Variants in MID1 observed in about 807,000 individuals in gnomAD.
MID1 encodes E3 ubiquitin-protein ligase Midline-1.
In MID1, 7 loss-of-function variants were observed where a neutral mutation model predicts 40.4. The ratio of observed to expected loss-of-function variants is 0.17; its 90% CI spans 0.10 to 0.33. The LOEUF (loss-of-function observed/expected upper bound fraction) is 0.33, where lower values mean the gene tolerates loss of function less well. Among genes scored for constraint, MID1 ranks in the 10% least tolerant of loss-of-function variants. The pLI, the probability that MID1 is intolerant of heterozygous loss-of-function variation, is 1.00. For missense variants in MID1, 367 were observed against 558.5 expected (o/e 0.66, Z 3.46); for synonymous variants, 229 against 221.2 (o/e 1.04, Z -0.31).
chrX:10,669,230 T>TAAAAAAA (rs761817483), intron 1 of MID1, among the ~76,000 whole-genome samples: 6 of 47,009 alleles, frequency 1.3e-4, no homozygotes, highest in African/African-American at 2.2e-4. Flanking sequence ...CGTCTCAAAA[T>TAAAAAAA]AAAAAAAAAA....
intron 4 of MID1, among the ~76,000 whole-genome samples, chrX:10,485,833 A>T (rs982862831): frequency 8.9e-6 from 1 of 111,954 alleles, no homozygotes; most frequent in Non-Finnish European, 1.9e-5. Flanking sequence ...CTTTAAGGCC[A>T]TGGAGAGCTC....
At chrX:10,571,151 G>A (rs1472475489) in intron 1 of MID1, among the ~76,000 whole-genome samples, 2 of 112,355 alleles carry the variant, frequency 1.8e-5, no homozygotes, top group Non-Finnish European at 3.8e-5. Flanking sequence ...CATAGCACCT[G>A]GCATAGTGCT....
At chrX:10,644,952 G>A (rs1209260050) in intron 1 of MID1, among the ~76,000 whole-genome samples, 4 of 111,976 alleles carry the variant, frequency 3.6e-5, no homozygotes, top group South Asian at 3.8e-4. Context: ...TGTCATTGCC[G>A]TGATTGAAGT....
At chrX:10,521,420 C>T (rs1932703071) in intron 3 of MID1, among the ~76,000 whole-genome samples, 1 of 111,209 alleles carries the variant, frequency 9.0e-6, no homozygotes, top group African/African-American at 3.3e-5. Context: ...CTGAAGTGCC[C>T]CTTGACTTAG....
In MID1 at chrX:10,702,139, C is replaced by A. The variant is rs755669100; in HGVS notation, c.-186-81720G>T. 2.7e-5 allele frequency among the ~76,000 whole-genome samples: 3 copies of A among 112,609 alleles called. No individual in the cohort carries two copies. In the South Asian group the frequency reaches 1.1e-3, roughly 41 times the overall value. ...TAATTCCCAACTGCACAGAACTGTACCAACTTGCCAAGAATAAGGAAATAC... is the reference window on the plus strand; with the variant it reads ...TAATTCCCAACTGCACAGAACTGTAACAACTTGCCAAGAATAAGGAAATAC... On this transcript the variant is annotated intron_variant, in intron 1 of 10. Transcript: ENST00000380785.
At chrX:10,810,744 T>A (rs185947053) in intron 1 of MID1, among the ~76,000 whole-genome samples, 1 of 108,401 alleles carries the variant, frequency 9.2e-6, no homozygotes, top group East Asian at 2.9e-4. Context: ...AGCCATGCCA[T>A]TGGGTGTGAA....
At chrX:10,584,740 A>G (rs994406228) in intron 1 of MID1, among the ~76,000 whole-genome samples, 2 of 112,501 alleles carry the variant, frequency 1.8e-5, no homozygotes, top group African/African-American at 3.2e-5. Flanking sequence ...GATTTTTTAG[A>G]GCCCATCACT....
chrX:10,566,741 T>C, intron 2 of MID1, 147 bp downstream of exon 2: 1 of 594,822 alleles, frequency 1.7e-6, no homozygotes, highest in Non-Finnish European at 2.7e-6. Flanking sequence ...GTAACATTTA[T>C]AGGTTGCCAA....
intron 1 of MID1, among the ~76,000 whole-genome samples, chrX:10,569,204 T>C (rs1569109495): frequency 1.8e-5 from 2 of 112,289 alleles, no homozygotes; most frequent in Non-Finnish European, 3.8e-5. Context: ...AACTGAATGG[T>C]AACTGATCAT....
chrX:10,829,690 A>G (rs982059631), intron 1 of MID1, among the ~76,000 whole-genome samples: 6 of 111,686 alleles, frequency 5.4e-5, no homozygotes, highest in African/African-American at 2.0e-4. Context: ...CTATCACCTC[A>G]CCAGCTAACC....
chrX:10,472,368 G>A (rs1014049973), intron 6 of MID1, among the ~76,000 whole-genome samples: 2 of 112,429 alleles, frequency 1.8e-5, no homozygotes, highest in Non-Finnish European at 3.8e-5. Flanking sequence ...GAAATATGGT[G>A]TATGTTACAA....
At chrX:10,531,185 A>G (rs1226950911) in intron 2 of MID1, among the ~76,000 whole-genome samples, 2 of 111,682 alleles carry the variant, frequency 1.8e-5, no homozygotes, top group Non-Finnish European at 3.8e-5. Context: ...TTTTCTTCTA[A>G]GAAACTTTAA....
chrX:10,602,817 C>T (rs781696360), intron 1 of MID1, among the ~76,000 whole-genome samples: 1 of 112,085 alleles, frequency 8.9e-6, no homozygotes, highest in Non-Finnish European at 1.9e-5. Context: ...ACCACATGCT[C>T]ATTCTATCAT....
intron 1 of MID1, among the ~76,000 whole-genome samples, chrX:10,627,380 G>A (rs751088197): frequency 3.6e-5 from 4 of 111,939 alleles, no homozygotes; most frequent in African/African-American, 6.5e-5. Context: ...GCTTATGATA[G>A]TTTTTCCACA....
At chrX:10,516,124 T>C (rs1932384429) in intron 3 of MID1, among the ~76,000 whole-genome samples, 1 of 109,202 alleles carries the variant, frequency 9.2e-6, no homozygotes, top group Admixed American at 9.8e-5. Context: ...AATAGAGTGG[T>C]TGAAAACCCA....
chrX:10,453,991 G>A (rs1928501730), intron 9 of MID1, among the ~76,000 whole-genome samples: 1 of 112,009 alleles, frequency 8.9e-6, no homozygotes, highest in African/African-American at 3.2e-5. Context: ...ACCATATGAG[G>A]GCTTGTTAAA....
intron 1 of MID1, among the ~76,000 whole-genome samples, chrX:10,695,354 T>C (rs2043156367): frequency 9.0e-6 from 1 of 111,726 alleles, no homozygotes; most frequent in Admixed American, 9.5e-5. Flanking sequence ...CTCAAATTCC[T>C]GGGCTCAAGC....
intron 3 of MID1, among the ~76,000 whole-genome samples, chrX:10,521,937 T>C (rs1233814119): frequency 2.7e-5 from 3 of 112,026 alleles, no homozygotes; most frequent in Admixed American, 9.4e-5. Context: ...TTTCCCAGGC[T>C]TGGGTGATCC....
intron 1 of MID1, among the ~76,000 whole-genome samples, chrX:10,705,405 G>T (rs1181307869): frequency 9.0e-6 from 1 of 111,662 alleles, no homozygotes; most frequent in African/African-American, 3.3e-5. Flanking sequence ...CCTCTAAAAG[G>T]CTACATCATC....
Sources: allele counts gnomAD v4.1 joint callset (sites outside exome capture counted in the v4.1 genomes callset), GRCh38; gene constraint gnomAD v4.1.1; transcripts MANE v1.5; gene names NCBI Gene and HGNC (gene_info 2026-07-23, HGNC 2026-07-21).